Variants in GRID1 observed in about 807,000 individuals in gnomAD.
GRID1 encodes the protein glutamate receptor ionotropic, delta-1.
Under a neutral mutation model 98.0 loss-of-function variants are expected in GRID1, and 28 were observed. The observed-to-expected ratio is 0.29, with a 90% CI of 0.21 to 0.39. The LOEUF (loss-of-function observed/expected upper bound fraction) is 0.39. Ranked by LOEUF, GRID1 falls within the 10% of genes least tolerant of loss-of-function variation. The probability of loss-of-function intolerance (pLI) is 1.00; values close to 1 mark genes in which losing one functional copy is unlikely to be tolerated. For synonymous variants in GRID1, 553 were observed against 538.5 expected, an observed-to-expected ratio of 1.03 and a Z score of -0.37; for missense variants, 1,111 against 1,340.5, an observed-to-expected ratio of 0.83 and a Z score of 2.67.
In GRID1 at chr10:85,647,349, G is replaced by C. The variant is rs1162992936; in HGVS notation, c.2046C>G (p.Val682=). Residue 682 remains valine (V), a synonymous_variant, in exon 13 of 16, where the codon GTC becomes GTG. Coordinates refer to ENST00000327946, the MANE Select transcript of GRID1 (RefSeq NM_017551.3). ...AGTACTCATATACAGCAGAATCCCG[G>C]ACAGTGCCATAAGACATTTCCACTT... is the stretch of plus-strand genomic sequence containing the variant. The part of the protein sequence containing the change: ...SKQVEMSYGT[V]RDSAVYEYFR... The C allele has an allele frequency of 1.2e-6, 2 of 1,614,090 alleles. No individual in the cohort carries two copies. The highest frequency in any genetic ancestry group is 1.1e-5 in the South Asian group (1 of 91,094).
At chr10:86,143,347 C>G (rs894751275) in intron 3 of GRID1, among the ~76,000 whole-genome samples, 2 of 152,202 alleles carry the variant, frequency 1.3e-5, no homozygotes, top group Admixed American at 1.3e-4. Flanking sequence ...AAGTCCTTTT[C>G]TCCCTTCAAG....
intron 4 of GRID1, among the ~76,000 whole-genome samples, chr10:85,959,376 T>C (rs927047048): frequency 2.6e-5 from 4 of 152,198 alleles, no homozygotes; most frequent in Admixed American, 6.5e-5. Context: ...CAGCAGGGTC[T>C]CCAGAGTGTT....
chr10:85,865,918 T>TATATATATATATATATATATACAC (rs1843211834), intron 6 of GRID1, among the ~76,000 whole-genome samples: 2 of 94,530 alleles, frequency 2.1e-5, no homozygotes, highest in East Asian at 3.1e-4. Context: ...TATACATATA[T>TATATATATATATATATATATACAC]ATATATATAT....
rs115657819 is a variant in GRID1 at position 86,128,933 on chromosome 10, C to T, written c.726+9886G>A. Among the ~76,000 whole-genome samples the T allele has an allele frequency of 3.5e-3, 537 of 152,280 alleles. 2 individuals carry two copies. Among genetic ancestry groups the T allele is most frequent in the African/African-American group, 0.012 (514 of 41,538 alleles). On this transcript the variant is annotated intron_variant, in intron 4 of 15. Transcript: ENST00000327946. The stretch of plus-strand genomic sequence containing the variant: ...CCAAAATACCCTGTACTTAGAAGAA[C>T]GTTGTGAATCAAGTATTGACTCCAT...
At position 86,040,986 on chromosome 10, in the gene GRID1, C is replaced by T. The variant is rs950949793; in HGVS notation, c.726+97833G>A. 2.0e-5 allele frequency among the ~76,000 whole-genome samples: 3 copies of T among 152,128 alleles called. 1 individual carries two copies. The highest frequency in any genetic ancestry group is 4.4e-5 in the Non-Finnish European group (3 of 68,024). On this transcript the variant is annotated intron_variant, in intron 4 of 15. Coordinates refer to ENST00000327946, the MANE Select transcript of GRID1 (RefSeq NM_017551.3). The stretch of plus-strand genomic sequence containing the variant: ...GTAGAATTCAGGTGCAGCTGCACAA[C>T]TTGGCTCTCTCTGGGCTCTGCCTCC...
chr10:85,993,164 A>C (rs1842702190), intron 4 of GRID1, among the ~76,000 whole-genome samples: 1 of 152,190 alleles, frequency 6.6e-6, no homozygotes, highest in South Asian at 2.1e-4. Context: ...AGGTAAGAGA[A>C]GAGGAGGAGG....
chr10:85,851,362 A>T (rs1590264731), intron 8 of GRID1, among the ~76,000 whole-genome samples: 1 of 152,212 alleles, frequency 6.6e-6, no homozygotes, highest in Non-Finnish European at 1.5e-5. Flanking sequence ...CAGCAAGCTG[A>T]TGATATAGAC....
chr10:86,135,460 C>A (rs924007691), intron 4 of GRID1, among the ~76,000 whole-genome samples: 1 of 151,618 alleles, frequency 6.6e-6, no homozygotes. Flanking sequence ...AGTTCTATCA[C>A]CCTCAGCCCC....
intron 13 of GRID1, among the ~76,000 whole-genome samples, chr10:85,638,847 T>G (rs988814863): frequency 4.6e-5 from 7 of 152,066 alleles, no homozygotes; most frequent in African/African-American, 1.7e-4. Flanking sequence ...GCATCACTAG[T>G]CCCCAAAGAG....
rs1221396417 is a variant in GRID1 at position 85,863,057 on chromosome 10, C to A, written c.951+5953G>T. Among the ~76,000 whole-genome samples the A allele has an allele frequency of 2.0e-5, 3 of 152,290 alleles. No individual in the cohort carries two copies. The East Asian group carries it at 5.8e-4, about 30-fold the overall frequency. On this transcript the variant is annotated intron_variant, in intron 6 of 15. Transcript: ENST00000327946. ...CCCAACTCCCCATCGCGTACAACAC[C>A]GGCTCTGGGCTCTGAGGCTCCTGAG...
chr10:86,121,719 T>C (rs1000133862), intron 4 of GRID1, among the ~76,000 whole-genome samples: 1 of 152,126 alleles, frequency 6.6e-6, no homozygotes, highest in Non-Finnish European at 1.5e-5. Context: ...CCTAAACACT[T>C]CAAATGACTG....
At chr10:85,696,728 A>T (rs1465681137) in intron 12 of GRID1, among the ~76,000 whole-genome samples, 6 of 152,022 alleles carry the variant, frequency 3.9e-5, no homozygotes, top group Non-Finnish European at 8.8e-5. Flanking sequence ...TAGGAAGGAA[A>T]CTAAGAATCC....
At chr10:86,124,907 C>A (rs1173010904) in intron 4 of GRID1, among the ~76,000 whole-genome samples, 1 of 152,192 alleles carries the variant, frequency 6.6e-6, no homozygotes, top group Non-Finnish European at 1.5e-5. Context: ...ATATGGGGAA[C>A]TGGGCAGTTC....
chr10:85,871,327 C>T (rs986047461), intron 5 of GRID1, among the ~76,000 whole-genome samples: 4 of 152,098 alleles, frequency 2.6e-5, no homozygotes, highest in African/African-American at 9.7e-5. Flanking sequence ...TTTATGGGTA[C>T]TAAACTGGGT....
intron 8 of GRID1, among the ~76,000 whole-genome samples, chr10:85,742,774 A>T (rs1214728627): frequency 1.3e-5 from 2 of 152,192 alleles, no homozygotes; most frequent in African/African-American, 4.8e-5. Context: ...AAGTCTAATT[A>T]CTCTTCCTTT....
intron 8 of GRID1, among the ~76,000 whole-genome samples, chr10:85,731,682 G>A (rs1397671853): frequency 2.0e-5 from 3 of 151,650 alleles, no homozygotes; most frequent in East Asian, 3.9e-4. Context: ...TACTCCTGTA[G>A]TCCCAGCTAT....
intron 4 of GRID1, among the ~76,000 whole-genome samples, chr10:86,007,403 C>T (rs544913764): frequency 2.0e-5 from 3 of 152,292 alleles, no homozygotes; most frequent in Admixed American, 6.5e-5. Flanking sequence ...GCTCCGCACC[C>T]CCCCACCTCC....
At chr10:85,981,702 T>C (rs184437422) in intron 4 of GRID1, among the ~76,000 whole-genome samples, 5 of 152,264 alleles carry the variant, frequency 3.3e-5, no homozygotes, top group Middle Eastern at 3.4e-3. Context: ...GTTAGTTCAG[T>C]GGGTCGTTCA....
intron 4 of GRID1, among the ~76,000 whole-genome samples, chr10:86,068,393 C>A (rs58466787): frequency 0.072 from 10,917 of 152,246 alleles, 464 homozygotes; most frequent in East Asian, 0.14. Flanking sequence ...AGAGAGAAAA[C>A]TTCCCCCCAC....
Sources: allele counts gnomAD v4.1 joint callset (sites outside exome capture counted in the v4.1 genomes callset), GRCh38; gene constraint gnomAD v4.1.1; transcripts MANE v1.5; gene names NCBI Gene and HGNC (gene_info 2026-07-23, HGNC 2026-07-21).